FCHSD2: variants seen among roughly 807,000 people sequenced by gnomAD.
FCHSD2 encodes the protein FCH and double SH3 domains 2.
In FCHSD2, 38 loss-of-function variants were observed where a neutral mutation model predicts 108.1. The ratio of observed to expected loss-of-function variants is 0.35; its 90% CI spans 0.27 to 0.46. The LOEUF (loss-of-function observed/expected upper bound fraction) is 0.46, where lower values mean the gene tolerates loss of function less well. FCHSD2 is among the 20% of genes least tolerant of loss of function. The probability of loss-of-function intolerance (pLI) is 1.00; values close to 1 mark genes in which losing one functional copy is unlikely to be tolerated. For synonymous variants in FCHSD2, 279 were observed against 314.7 expected (o/e 0.89, Z 1.20); for missense variants, 751 against 897.8 (o/e 0.84, Z 2.09).
chr11:73,140,165 A>G, intron 1 of FCHSD2, 37 bp from the exon 2 acceptor site: 1 of 1,280,922 alleles, frequency 7.8e-7, no homozygotes, highest in Non-Finnish European at 1.1e-6. Context: ...GTCTTTTTAC[A>G]AATTTAACCC....
In FCHSD2 at chr11:72,921,815, A is replaced by G. The variant is rs1257836309; in HGVS notation, c.828+13T>C. 3 of 1,607,836 alleles carry G rather than the reference A, an allele frequency of 1.9e-6. No individual in the cohort carries two copies. The highest frequency in any genetic ancestry group is 3.4e-5 in the Admixed American group (2 of 59,612). ...GTTGGATAACACTACACGTTGCACT[A>G]AAGGTAACTTACCTTGCTGGAGTTT... is the stretch of plus-strand genomic sequence containing the variant. On this transcript the variant is annotated intron_variant, in intron 9 of 19. Transcript: ENST00000409418.
At chr11:72,894,001 T>C (rs993358900) in intron 10 of FCHSD2, among the ~76,000 whole-genome samples, 1 of 152,220 alleles carries the variant, frequency 6.6e-6, no homozygotes, top group African/African-American at 2.4e-5. Flanking sequence ...TGAGCAGCGA[T>C]AGAAAAGCTG....
chr11:73,023,634 T>C (rs377732924), intron 3 of FCHSD2, among the ~76,000 whole-genome samples: 4 of 152,312 alleles, frequency 2.6e-5, no homozygotes, highest in South Asian at 4.1e-4. Context: ...AAATTTCTTA[T>C]GAACAGAGAC....
At position 72,948,815 on chromosome 11, in the gene FCHSD2, G is replaced by A. The variant is rs867926710; in HGVS notation, c.706-26865C>T. ...CGAGTAGCTGGGACTACAGGTGCCC[G>A]CCACTACGCCTGGCTAATTTTTTAT... On this transcript the variant is annotated intron_variant, in intron 8 of 19. Transcript: ENST00000409418. 3.3e-5 allele frequency among the ~76,000 whole-genome samples: 5 copies of A among 152,006 alleles called. No individual in the cohort carries two copies. In the South Asian group the frequency reaches 1.0e-3, roughly 32 times the overall value.
chr11:73,011,726 C>T (rs1218525737), intron 4 of FCHSD2, among the ~76,000 whole-genome samples: 2 of 152,196 alleles, frequency 1.3e-5, no homozygotes, highest in Non-Finnish European at 2.9e-5. Context: ...GCCAGCACTA[C>T]AGAAGTCTAC....
chr11:72,852,571 C>T (rs1219127886), intron 13 of FCHSD2, among the ~76,000 whole-genome samples: 1 of 151,458 alleles, frequency 6.6e-6, no homozygotes, highest in Non-Finnish European at 1.5e-5. Flanking sequence ...GGCTGAGGCA[C>T]GAGAATTGCT....
chr11:72,911,566 T>C lies in FCHSD2; in HGVS notation c.829-8928A>G, dbSNP rs1197698291. 2.0e-5 allele frequency among the ~76,000 whole-genome samples: 3 copies of C among 152,346 alleles called. No homozygotes were observed. The South Asian group carries it at 6.2e-4, about 32-fold the overall frequency. On this transcript the variant is annotated intron_variant, in intron 9 of 19. Transcript: ENST00000409418. ...AAGAGACTGCATTGAATCTGTAGAC[T>C]GCTTTGGGTAGTATTGACATTTTAA...
chr11:73,137,312 G>C (rs1861142190), intron 2 of FCHSD2, among the ~76,000 whole-genome samples: 1 of 151,842 alleles, frequency 6.6e-6, no homozygotes, highest in African/African-American at 2.4e-5. Context: ...ATAGATAGAA[G>C]AACACACTAA....
At chr11:72,946,292 A>C (rs1310063235) in intron 8 of FCHSD2, among the ~76,000 whole-genome samples, 3 of 151,816 alleles carry the variant, frequency 2.0e-5, no homozygotes, top group Non-Finnish European at 4.4e-5. Context: ...AGACTATCGC[A>C]AGGACAAAAA....
chr11:72,990,144 G>C (rs1020650434), intron 5 of FCHSD2, among the ~76,000 whole-genome samples: 2 of 152,072 alleles, frequency 1.3e-5, no homozygotes, highest in Admixed American at 6.6e-5. Context: ...CACTTAATAA[G>C]TGTTAGGCTG....
chr11:73,119,336 T>A (rs1207493917), intron 2 of FCHSD2, among the ~76,000 whole-genome samples: 2 of 152,106 alleles, frequency 1.3e-5, no homozygotes, highest in Non-Finnish European at 2.9e-5. Flanking sequence ...TTCTCTAATA[T>A]GGGATATAGA....
rs1224404011 is a variant in FCHSD2 at position 72,841,550 on chromosome 11, G to C, written c.1960C>G (p.Pro654Ala). ...GGCTGGTCGTACAACGGCAGTGGAG[G>C]CAGGGAGGCGTGTGGCTTGGGGGAA... ...SPSPKPHASL[P>A]PLPLYDQPPS... The change falls in exon 18 of 20, where the codon CCT becomes GCT. Residue 654 changes from proline (P) to alanine (A), a missense_variant. Physicochemically the swap from Pro to Ala is conservative, Grantham distance 27. Transcript: ENST00000409418. The C allele has an allele frequency of 3.1e-6, 5 of 1,610,590 alleles. No individual in the cohort carries two copies. Among genetic ancestry groups the C allele is most frequent in the African/African-American group, 1.3e-5 (1 of 74,796 alleles).
intron 5 of FCHSD2, among the ~76,000 whole-genome samples, chr11:72,989,889 T>C (rs1421750310): frequency 6.6e-6 from 1 of 152,078 alleles, no homozygotes; most frequent in Non-Finnish European, 1.5e-5. Flanking sequence ...TGGTGGAGAC[T>C]GGCAAAAGCT....
Position 72,950,736 on chromosome 11 carries a change from C to G in FCHSD2, c.706-28786G>C, listed in dbSNP as rs775568633. On this transcript the variant is annotated intron_variant, in intron 8 of 19. Transcript: ENST00000409418. ...TTTTAATTTTTCATTTATAAGAATACTTAACTCCCACATTATCATTTGGCT... is the reference window on the plus strand; with the variant it reads ...TTTTAATTTTTCATTTATAAGAATAGTTAACTCCCACATTATCATTTGGCT... 7.2e-5 allele frequency among the ~76,000 whole-genome samples: 11 copies of G among 152,248 alleles called. 1 individual carries two copies. Among genetic ancestry groups the G allele is most frequent in the Admixed American group, 7.2e-4 (11 of 15,290 alleles).
intron 2 of FCHSD2, among the ~76,000 whole-genome samples, chr11:73,136,056 A>C (rs1487274658): frequency 6.6e-6 from 1 of 151,878 alleles, no homozygotes; most frequent in Non-Finnish European, 1.5e-5. Flanking sequence ...GGTACTTGGG[A>C]GGCTGAGGCA....
intron 12 of FCHSD2, among the ~76,000 whole-genome samples, chr11:72,873,335 A>C (rs1196888503): frequency 1.3e-5 from 2 of 152,150 alleles, no homozygotes; most frequent in Admixed American, 6.5e-5. Context: ...TTTCAAAAAA[A>C]AAAAAAAATG....
intron 2 of FCHSD2, among the ~76,000 whole-genome samples, chr11:73,135,702 T>G (rs1232889954): frequency 6.6e-6 from 1 of 152,206 alleles, no homozygotes; most frequent in African/African-American, 2.4e-5. Flanking sequence ...ATGTCCCTGA[T>G]TAACAACAAA....
chr11:73,071,587 A>G (rs1859438046), intron 3 of FCHSD2, among the ~76,000 whole-genome samples: 1 of 151,926 alleles, frequency 6.6e-6, no homozygotes, highest in Admixed American at 6.6e-5. Context: ...CGTAGTCCCA[A>G]CTACTCGGGG....
In FCHSD2 at chr11:72,869,747, C is replaced by T. The variant is rs187047564; in HGVS notation, c.1147-1721G>A. ...GAGTGATAAAGTCTGTTTCCTTTTC[C>T]TGTTCATAATGCTATGCCTCAGAAC... On this transcript the variant is annotated intron_variant, in intron 12 of 19. Coordinates refer to ENST00000409418, the MANE Select transcript of FCHSD2 (RefSeq NM_014824.3). 6.5e-3 allele frequency: 986 copies of T among 152,134 alleles called. 4 individuals are homozygous for T. Among genetic ancestry groups the T allele is most frequent in the Non-Finnish European group, 9.6e-3 (652 of 67,996 alleles). The allele number at this position is 152,134 out of a possible 1,614,324, so 9.4% of individuals were successfully genotyped here. A position where few individuals can be genotyped will look rare whatever the true frequency, so the allele number is the denominator to read the frequency against.
Sources: allele counts gnomAD v4.1 joint callset (sites outside exome capture counted in the v4.1 genomes callset), GRCh38; gene constraint gnomAD v4.1.1; transcripts MANE v1.5; gene names NCBI Gene and HGNC (gene_info 2026-07-23, HGNC 2026-07-21).